GRID2: variants seen among roughly 807,000 people sequenced by gnomAD.
GRID2 encodes the protein glutamate ionotropic receptor delta type subunit 2.
GRID2 carries 33 observed loss-of-function variants against 114.8 expected under a neutral mutation model. The observed-to-expected ratio is 0.29, with a 90% CI of 0.22 to 0.38. The LOEUF (loss-of-function observed/expected upper bound fraction) is 0.38, where lower values mean the gene tolerates loss of function less well. Among genes scored for constraint, GRID2 ranks in the 10% least tolerant of loss-of-function variants. The pLI, the probability that GRID2 is intolerant of heterozygous loss-of-function variation, is 1.00. For missense variants in GRID2, 1,184 were observed against 1,257.7 expected, an observed-to-expected ratio of 0.94 and a Z score of 0.89; for synonymous variants, 505 against 449.9, an observed-to-expected ratio of 1.12 and a Z score of -1.55.
intron 11 of GRID2, among the ~76,000 whole-genome samples, chr4:93,460,987 C>A (rs776445290): frequency 5.3e-5 from 8 of 151,958 alleles, no homozygotes; most frequent in Non-Finnish European, 1.0e-4. Flanking sequence ...CTCCAAGTGA[C>A]CAAATTTCAA....
intron 2 of GRID2, among the ~76,000 whole-genome samples, chr4:92,883,144 T>C (rs761485202): frequency 6.6e-6 from 1 of 152,234 alleles, no homozygotes; most frequent in Non-Finnish European, 1.5e-5. Flanking sequence ...TTATGTAATA[T>C]TTGAAATCCT....
chr4:93,223,380 T>C (rs1009752991), intron 6 of GRID2, among the ~76,000 whole-genome samples: 3 of 152,070 alleles, frequency 2.0e-5, no homozygotes, highest in Non-Finnish European at 4.4e-5. Flanking sequence ...ACACAAAGGA[T>C]TGAAGATTTA....
intron 13 of GRID2, among the ~76,000 whole-genome samples, chr4:93,531,080 A>T (rs1331485532): frequency 1.3e-5 from 2 of 152,150 alleles, no homozygotes; most frequent in African/African-American, 4.8e-5. Context: ...GAAGGATGCC[A>T]TGTAGAATTA....
chr4:93,375,039 C>A (rs1042438207), intron 8 of GRID2, among the ~76,000 whole-genome samples: 2 of 151,986 alleles, frequency 1.3e-5, no homozygotes, highest in Admixed American at 6.6e-5. Context: ...CAGGGAAGGA[C>A]CAGGGAATGG....
chr4:92,997,035 T>C (rs1755244042), intron 2 of GRID2, among the ~76,000 whole-genome samples: 1 of 152,220 alleles, frequency 6.6e-6, no homozygotes, highest in South Asian at 2.1e-4. Flanking sequence ...AACTGCTGTC[T>C]TGATGATTAT....
At chr4:93,272,472 G>T (rs1751568071) in intron 8 of GRID2, among the ~76,000 whole-genome samples, 1 of 152,188 alleles carries the variant, frequency 6.6e-6, no homozygotes, top group South Asian at 2.1e-4. Flanking sequence ...CTGGAGCAGT[G>T]AGCAAAGAAA....
intron 3 of GRID2, among the ~76,000 whole-genome samples, chr4:93,107,680 A>C (rs563972535): frequency 1.3e-5 from 2 of 152,080 alleles, no homozygotes; most frequent in South Asian, 2.1e-4. Context: ...TTTTTAGTAG[A>C]GACGAGGTTT....
chr4:93,174,675 G>A (rs904755203), intron 4 of GRID2, among the ~76,000 whole-genome samples: 4 of 152,130 alleles, frequency 2.6e-5, no homozygotes, highest in East Asian at 1.9e-4. Context: ...CAGAGAGAAG[G>A]TGGCTATTGC....
intron 9 of GRID2, among the ~76,000 whole-genome samples, chr4:93,412,055 A>G (rs1254864576): frequency 2.0e-5 from 3 of 151,448 alleles, no homozygotes; most frequent in African/African-American, 7.3e-5. Flanking sequence ...ATTATGTGAC[A>G]GGGCATTGAG....
At chr4:93,296,594 C>CA (rs1754335346) in intron 8 of GRID2, among the ~76,000 whole-genome samples, 1 of 152,156 alleles carries the variant, frequency 6.6e-6, no homozygotes, top group Non-Finnish European at 1.5e-5. Context: ...TACATGCAAA[C>CA]ATCCAACAAA....
Position 92,643,743 on chromosome 4 carries a change from G to A in GRID2, c.244+53457G>A, listed in dbSNP as rs560594761. 2.0e-5 allele frequency among the ~76,000 whole-genome samples: 3 copies of A among 151,592 alleles called. No individual in the cohort carries two copies. The East Asian group carries it at 5.9e-4, about 30-fold the overall frequency. On this transcript the variant is annotated intron_variant, in intron 2 of 15. Coordinates refer to ENST00000282020, the MANE Select transcript of GRID2 (RefSeq NM_001510.4). ...CAAAGTGCTAGGAATCACAGGTATG[G>A]GCCTCTGCACCTGGCCAAATTTAAA...
At chr4:92,482,016 A>T (rs1209154396) in intron 1 of GRID2, among the ~76,000 whole-genome samples, 1 of 67,000 alleles carries the variant, frequency 1.5e-5, no homozygotes, top group Non-Finnish European at 3.5e-5. Context: ...ATATATATAT[A>T]TATATATATA....
chr4:92,629,281 T>A (rs2149244711), intron 2 of GRID2, among the ~76,000 whole-genome samples: 1 of 152,254 alleles, frequency 6.6e-6, no homozygotes, highest in Non-Finnish European at 1.5e-5. Flanking sequence ...TGTCAGAGTC[T>A]GAGAATCTTA....
At chr4:93,548,354 G>A (rs1288257069) in intron 13 of GRID2, among the ~76,000 whole-genome samples, 1 of 152,136 alleles carries the variant, frequency 6.6e-6, no homozygotes, top group Non-Finnish European at 1.5e-5. Context: ...AGAGGCACTT[G>A]AACGGAAATA....
intron 4 of GRID2, among the ~76,000 whole-genome samples, chr4:93,156,813 C>A (rs772815453): frequency 1.3e-5 from 2 of 151,546 alleles, no homozygotes; most frequent in South Asian, 2.1e-4. Context: ...TGAAACTTAT[C>A]GGCCTATTGG....
chr4:93,118,807 C>A (rs1315900077), intron 4 of GRID2, among the ~76,000 whole-genome samples: 1 of 152,132 alleles, frequency 6.6e-6, no homozygotes, highest in Non-Finnish European at 1.5e-5. Context: ...CCAAGTTCAG[C>A]AAGTGCCTTA....
At chr4:92,937,031 G>C (rs1333112164) in intron 2 of GRID2, among the ~76,000 whole-genome samples, 2 of 146,096 alleles carry the variant, frequency 1.4e-5, no homozygotes, top group South Asian at 4.6e-4. Flanking sequence ...TAAAATAACT[G>C]TTTTTCTCTG....
intron 10 of GRID2, among the ~76,000 whole-genome samples, chr4:93,435,625 T>C (rs1041280636): frequency 6.6e-6 from 1 of 152,202 alleles, no homozygotes; most frequent in African/African-American, 2.4e-5. Context: ...ATTGACTCCT[T>C]ACATGCTCTT....
intron 2 of GRID2, among the ~76,000 whole-genome samples, chr4:92,802,783 G>A (rs1740237901): frequency 6.6e-6 from 1 of 151,876 alleles, no homozygotes. Flanking sequence ...AAATCAAGTA[G>A]GAAGATGCCT....
Sources: gnomAD v4.1 joint callset for allele counts (sites outside exome capture counted in the v4.1 genomes callset) on GRCh38, gnomAD v4.1.1 for gene constraint, MANE v1.5 for transcripts, NCBI Gene and HGNC (gene_info 2026-07-23, HGNC 2026-07-21) for gene names.